ARSG: variants seen among roughly 807,000 people sequenced by gnomAD.
ARSG encodes ASG.
Under a neutral mutation model 50.5 loss-of-function variants are expected in ARSG, and 37 were observed. The ratio of observed to expected loss-of-function variants is 0.73; its 90% confidence interval spans 0.56 to 0.96. The LOEUF is 0.96. Among genes scored for constraint, ARSG ranks in the 50% least tolerant of loss-of-function variants. The pLI is 0.00. For synonymous variants in ARSG, 225 were observed against 254.6 expected (o/e 0.88, Z 1.11); for missense variants, 629 against 675.3 (o/e 0.93, Z 0.76).
intron 11 of ARSG, 130 bp from the exon 12 acceptor site, chr17:68,420,055 CAGAG>C (rs2082667817): frequency 4.9e-6 from 5 of 1,010,756 alleles, no homozygotes; most frequent in Middle Eastern, 3.3e-4. Flanking sequence ...ATTTCTTTGA[CAGAG>C]AGAGCCATCA....
chr17:68,427,358 G>A, downstream of ARSG: 1 of 859,560 alleles, frequency 1.2e-6, no homozygotes, highest in East Asian at 2.5e-5. Context: ...AGCTCTGTGG[G>A]TTATTTATTT....
intron 10 of ARSG, chr17:68,400,335 C>T (rs1448506168): frequency 6.6e-6 from 1 of 152,164 alleles, no homozygotes; most frequent in Non-Finnish European, 1.5e-5. Flanking sequence ...TATTTGTGAC[C>T]TGATGAGGAA....
At chr17:68,438,623 T>C in the ARSG span, among the ~76,000 whole-genome samples, 1 of 152,178 alleles carries the variant, frequency 6.6e-6, no homozygotes. Flanking sequence ...TTTTTTGAGA[T>C]GGAGTCTTAC....
intron 9 of ARSG, among the ~76,000 whole-genome samples, chr17:68,393,964 G>GT (rs1256673298): frequency 1.3e-4 from 19 of 150,040 alleles, no homozygotes; most frequent in Admixed American, 2.6e-4. Context: ...TTTTCTTTTT[G>GT]TTTTTTTTGG....
intron 8 of ARSG, chr17:68,379,975 G>T: frequency 1.5e-6 from 1 of 659,782 alleles, no homozygotes; most frequent in Non-Finnish European, 1.9e-6. Flanking sequence ...GAGCGACACG[G>T]ATTTGAACTG....
chr17:68,352,579 G>A (rs541138275), intron 5 of ARSG, among the ~76,000 whole-genome samples: 3 of 150,026 alleles, frequency 2.0e-5, no homozygotes, highest in South Asian at 4.2e-4. Flanking sequence ...GCGCGATCTC[G>A]GCTCACTGCA....
intron 2 of ARSG, 130 bp from the exon 3 acceptor site, chr17:68,343,472 TGA>T: frequency 1.1e-6 from 1 of 949,948 alleles, no homozygotes; most frequent in Non-Finnish European, 1.5e-6. Flanking sequence ...TCCCATTTCC[TGA>T]CTTGTTCCAT....
chr17:68,394,438 C>CA (rs909212277), intron 9 of ARSG, among the ~76,000 whole-genome samples: 2 of 151,516 alleles, frequency 1.3e-5, no homozygotes, highest in Non-Finnish European at 2.9e-5. Flanking sequence ...CTTGTCTCTA[C>CA]AAAAAAATAA....
At chr17:68,281,809 C>T (rs1288399940) in intron 1 of ARSG, among the ~76,000 whole-genome samples, 3 of 152,040 alleles carry the variant, frequency 2.0e-5, no homozygotes, top group South Asian at 2.1e-4. Flanking sequence ...TATACACTGT[C>T]GGTGGGAATG....
chr17:68,382,775 C>T (rs1453065181), intron 8 of ARSG, among the ~76,000 whole-genome samples: 1 of 152,224 alleles, frequency 6.6e-6, no homozygotes, highest in Non-Finnish European at 1.5e-5. Flanking sequence ...CCTGTTCACA[C>T]TCTAGACCCT....
chr17:68,439,853 C>A, the ARSG span, among the ~76,000 whole-genome samples: 3 of 152,154 alleles, frequency 2.0e-5, no homozygotes, highest in African/African-American at 7.2e-5. Context: ...AGATGCCAAG[C>A]CTTCGTTTCT....
downstream of ARSG, among the ~76,000 whole-genome samples, chr17:68,422,969 C>A (rs1295611035): frequency 1.3e-5 from 2 of 152,120 alleles, no homozygotes; most frequent in Non-Finnish European, 2.9e-5. Flanking sequence ...CCCAAGGAGG[C>A]AAGCGTGATC....
intron 2 of ARSG, among the ~76,000 whole-genome samples, chr17:68,340,664 GC>G (rs538506146): frequency 6.6e-6 from 1 of 152,226 alleles, no homozygotes; most frequent in Admixed American, 6.5e-5. Flanking sequence ...GTCTTTCTTT[GC>G]TTCCTGGCAC....
chr17:68,351,443 C>A, intron 4 of ARSG, 132 bp from the exon 5 acceptor site: 1 of 582,666 alleles, frequency 1.7e-6, no homozygotes, highest in South Asian at 2.2e-5. Context: ...TAATCAAATC[C>A]TCTTATAATT....
chr17:68,401,100 T>G, intron 10 of ARSG: 1 of 456,912 alleles, frequency 2.2e-6, no homozygotes, highest in Non-Finnish European at 4.0e-6. Flanking sequence ...CATAGCTCAC[T>G]GCAGCGTTGA....
chr17:68,430,789 G>C, the ARSG span, among the ~76,000 whole-genome samples: 1 of 152,174 alleles, frequency 6.6e-6, no homozygotes, highest in Admixed American at 6.5e-5. Flanking sequence ...ACAACCCCCA[G>C]CTCTGCCCCA....
rs375841879 is a variant in ARSG at position 68,379,421 on chromosome 17, ATTTTTTTTTT to A, written c.983-5623_983-5614del. ...GTGCCACCATGCCTGGAACACTACA[ATTTTTTTTTT>A]TTTTTTTTTTTTTTTTTTTACAGAG... On this transcript the variant is annotated intron_variant, in intron 8 of 11. Transcript: ENST00000621439. Among the ~76,000 whole-genome samples, 700 of 72,272 alleles carry A rather than the reference ATTTTTTTTTT, an allele frequency of 9.7e-3. 6 individuals carry two copies. The highest frequency in any genetic ancestry group is 0.023 in the Middle Eastern group (2 of 88). 47.4% of individuals were successfully genotyped at this position (72,272 alleles called of 152,430 possible).
chr17:68,374,101 G>C (rs1426343550), intron 8 of ARSG, among the ~76,000 whole-genome samples: 2 of 148,492 alleles, frequency 1.3e-5, no homozygotes, highest in Non-Finnish European at 3.0e-5. Context: ...AGCTTGCAGT[G>C]AGCTGAGATC....
chr17:68,368,427 C>T (rs2079653742), intron 6 of ARSG, 121 bp from the exon 7 acceptor site: 2 of 847,026 alleles, frequency 2.4e-6, no homozygotes, highest in Non-Finnish European at 1.9e-6. Flanking sequence ...ATGTGTCCTT[C>T]TTGAGCCCGT....
Sources: allele counts gnomAD v4.1 joint callset (sites outside exome capture counted in the v4.1 genomes callset), GRCh38; gene constraint gnomAD v4.1.1; transcripts MANE v1.5; gene names NCBI Gene and HGNC (gene_info 2026-07-23, HGNC 2026-07-21).